Variants in PTPRE observed in about 807,000 individuals in gnomAD.
PTPRE encodes the protein receptor-type tyrosine-protein phosphatase epsilon.
PTPRE carries 51 observed loss-of-function variants against 102.0 expected under a neutral mutation model. That is an observed-to-expected ratio of 0.50 (90% CI 0.40 to 0.63). The LOEUF is 0.63. Among genes scored for constraint, PTPRE ranks in the 30% least tolerant of loss-of-function variants. The pLI, the probability that PTPRE is intolerant of heterozygous loss-of-function variation, is 0.00. For synonymous variants in PTPRE, 345 were observed against 348.2 expected, an observed-to-expected ratio of 0.99 and a Z score of 0.10; for missense variants, 752 against 915.1, an observed-to-expected ratio of 0.82 and a Z score of 2.30.
At position 128,076,713 on chromosome 10, in the gene PTPRE, G is replaced by T; in HGVS notation, c.1710G>T (p.Leu570=). ...LSEAISIRDF[L]VTLNQPQARQ... ...AAGCCATCAGTATACGAGACTTTCT[G>T]GTCACTCTCAATCAGGTATTGTTGA... The change falls in exon 18 of 21, where the codon CTG becomes CTT. Residue 570 remains leucine (L), a synonymous_variant. Coordinates refer to ENST00000254667, the MANE Select transcript of PTPRE (RefSeq NM_006504.6). The T allele has an allele frequency of 6.2e-7, 1 of 1,611,100 alleles. No individual in the cohort carries two copies. The highest frequency in any genetic ancestry group is 1.1e-5 in the South Asian group (1 of 90,228).
At chr10:128,032,908 A>T (rs953600441) in intron 2 of PTPRE, among the ~76,000 whole-genome samples, 2 of 152,218 alleles carry the variant, frequency 1.3e-5, no homozygotes, top group African/African-American at 4.8e-5. Context: ...GAACTTTCTG[A>T]ATTTGCCTTA....
In PTPRE at chr10:128,069,772, T is replaced by A; in HGVS notation, c.1088T>A (p.Val363Glu). The change falls in exon 13 of 21, where the codon GTG becomes GAG. Residue 363 changes from valine (V) to glutamate (E), a missense_variant. Around this residue, in one of 2 missense-constraint regions of PTPRE, gnomAD observed 636 missense variants for 824.4 expected, o/e 0.77. Transcript: ENST00000254667. ...AMMHAEQKVD[V>E]FEFVSRIRNQ... ...ATGCACGCGGAGCAGAAGGTGGATG[T>A]GTTTGAATTTGTGTCTCGAATCCGT... 1 of 1,614,216 alleles carries A rather than the reference T, an allele frequency of 6.2e-7. No homozygotes were observed. The highest frequency in any genetic ancestry group is 8.5e-7 in the Non-Finnish European group (1 of 1,180,040).
intron 1 of PTPRE, among the ~76,000 whole-genome samples, chr10:127,979,188 G>A (rs1038804216): frequency 2.6e-5 from 4 of 152,128 alleles, no homozygotes; most frequent in Admixed American, 1.3e-4. Context: ...GGACAACAAC[G>A]TTCAAGAGAA....
intron 1 of PTPRE, among the ~76,000 whole-genome samples, chr10:127,938,826 A>G (rs1310333959): frequency 9.2e-5 from 14 of 152,158 alleles, no homozygotes; most frequent in Admixed American, 9.2e-4. Context: ...AGCAGGCAAT[A>G]TCTTCATCCT....
At chr10:127,974,491 T>G (rs1850995263) in intron 1 of PTPRE, among the ~76,000 whole-genome samples, 1 of 152,216 alleles carries the variant, frequency 6.6e-6, no homozygotes. Context: ...TCTGCTTCCA[T>G]CTTTCATGGC....
At chr10:128,082,738 CACTT>C (rs1851834140) in intron 20 of PTPRE, 90 bp from the exon 21 acceptor site, 10 of 1,384,042 alleles carry the variant, frequency 7.2e-6, no homozygotes, top group African/African-American at 3.0e-5. Context: ...TGAATAGTCA[CACTT>C]ATTTATGTCT....
intron 1 of PTPRE, among the ~76,000 whole-genome samples, chr10:127,919,997 A>G (rs908626292): frequency 3.3e-5 from 5 of 151,316 alleles, no homozygotes; most frequent in African/African-American, 1.2e-4. Flanking sequence ...GTGGCTTGGC[A>G]TCTTGGAAAT....
chr10:128,080,026 A>G (rs144126042), intron 20 of PTPRE, among the ~76,000 whole-genome samples: 1 of 152,338 alleles, frequency 6.6e-6, no homozygotes, highest in Non-Finnish European at 1.5e-5. Context: ...ACTGAAAAAC[A>G]TACTCTTATC....
At chr10:128,029,948 A>G (rs115574341) in intron 2 of PTPRE, among the ~76,000 whole-genome samples, 2,119 of 152,350 alleles carry the variant, frequency 0.014, 67 homozygotes, top group African/African-American at 0.049. Context: ...GGGCGGGGAC[A>G]GGACACTTAT....
chr10:128,014,525 C>T (rs781622069), intron 2 of PTPRE, among the ~76,000 whole-genome samples: 6 of 151,950 alleles, frequency 3.9e-5, no homozygotes, highest in South Asian at 2.1e-4. Context: ...GCGAGGAGGG[C>T]GGATTTATTT....
chr10:127,913,067 G>A (rs1845970672), intron 1 of PTPRE, among the ~76,000 whole-genome samples: 1 of 152,216 alleles, frequency 6.6e-6, no homozygotes, highest in Non-Finnish European at 1.5e-5. Context: ...GACAAGGCAA[G>A]GGACTTCCCC....
chr10:128,056,500 C>A (rs1327665412), intron 7 of PTPRE, among the ~76,000 whole-genome samples: 1 of 152,196 alleles, frequency 6.6e-6, no homozygotes, highest in African/African-American at 2.4e-5. Context: ...TGCTTCGTGG[C>A]CATGGGTGCC....
At chr10:127,975,541 A>G (rs1176207255) in intron 1 of PTPRE, among the ~76,000 whole-genome samples, 2 of 152,176 alleles carry the variant, frequency 1.3e-5, no homozygotes, top group Non-Finnish European at 2.9e-5. Context: ...GGCCCTTCAC[A>G]CACATGCTTA....
chr10:127,915,318 G>A (rs1049695546), intron 1 of PTPRE, among the ~76,000 whole-genome samples: 5 of 151,992 alleles, frequency 3.3e-5, no homozygotes, highest in Non-Finnish European at 7.4e-5. Context: ...TTCCAGTATG[G>A]TTTTCCTCTT....
chr10:128,000,484 T>A (rs898342025), intron 2 of PTPRE, among the ~76,000 whole-genome samples: 2 of 152,236 alleles, frequency 1.3e-5, no homozygotes, highest in Non-Finnish European at 2.9e-5. Flanking sequence ...TCTCTTTTTT[T>A]AGAAGCATAC....
chr10:127,980,089 G>A (rs1383844948), intron 1 of PTPRE, among the ~76,000 whole-genome samples: 1 of 152,050 alleles, frequency 6.6e-6, no homozygotes, highest in African/African-American at 2.4e-5. Context: ...CTACAAAAAA[G>A]CAGTTCCCCT....
At chr10:127,923,115 C>T (rs188403495) in intron 1 of PTPRE, among the ~76,000 whole-genome samples, 123 of 152,378 alleles carry the variant, frequency 8.1e-4, no homozygotes, top group African/African-American at 2.6e-3. Context: ...GTGCTCAGCC[C>T]GGCATAGCGG....
intron 1 of PTPRE, among the ~76,000 whole-genome samples, chr10:127,961,701 C>G (rs1402795274): frequency 6.6e-6 from 1 of 152,202 alleles, no homozygotes; most frequent in African/African-American, 2.4e-5. Context: ...TCCCCAGCGT[C>G]TTGTCTGTCC....
intron 2 of PTPRE, among the ~76,000 whole-genome samples, chr10:128,003,492 A>G (rs1329815345): frequency 6.6e-6 from 1 of 152,218 alleles, no homozygotes; most frequent in Non-Finnish European, 1.5e-5. Flanking sequence ...TCCTGGTGAT[A>G]CTGTTTAACA....
Sources: allele counts gnomAD v4.1 joint callset (sites outside exome capture counted in the v4.1 genomes callset), GRCh38; gene constraint gnomAD v4.1.1; regional missense constraint gnomAD v4.1.1; transcripts MANE v1.5; gene names NCBI Gene and HGNC (gene_info 2026-07-23, HGNC 2026-07-21).